DENND5B: variants seen among roughly 807,000 people sequenced by gnomAD.
DENND5B encodes the protein DENN domain containing 5B, also known as DENN domain-containing protein 5B.
In DENND5B, 34 loss-of-function variants were observed where a neutral mutation model predicts 140.6. The observed-to-expected ratio is 0.24, with a 90% CI of 0.18 to 0.32. The LOEUF (loss-of-function observed/expected upper bound fraction) is 0.32, where lower values mean the gene tolerates loss of function less well. DENND5B is among the 10% of genes least tolerant of loss of function. The pLI is 1.00. For synonymous variants in DENND5B, 551 were observed against 562.1 expected (o/e 0.98, Z 0.28); for missense variants, 1,142 against 1,560.2 (o/e 0.73, Z 4.52).
intron 1 of DENND5B, among the ~76,000 whole-genome samples, chr12:31,578,306 A>G (rs1450128848): frequency 6.6e-6 from 1 of 152,192 alleles, no homozygotes; most frequent in Non-Finnish European, 1.5e-5. Context: ...AACAATCCAG[A>G]TCAGCAAAAG....
chr12:31,409,474 C>CA, intron 13 of DENND5B, 90 bp from the exon 14 acceptor site: 1 of 285,108 alleles, frequency 3.5e-6, no homozygotes, highest in Non-Finnish European at 4.7e-6. Flanking sequence ...TTCATTATGT[C>CA]TTTTTTTTTT....
At chr12:31,552,071 G>C (rs1030575014) in intron 1 of DENND5B, among the ~76,000 whole-genome samples, 1 of 152,072 alleles carries the variant, frequency 6.6e-6, no homozygotes, top group Admixed American at 6.6e-5. Flanking sequence ...TCTCCTGCCT[G>C]ATTGCCCTGG....
At chr12:31,551,217 T>G (rs1592031595) in intron 1 of DENND5B, among the ~76,000 whole-genome samples, 2 of 152,208 alleles carry the variant, frequency 1.3e-5, no homozygotes, top group Non-Finnish European at 2.9e-5. Context: ...AAGTCTTTAA[T>G]CCATCTTGAA....
At chr12:31,389,245 G>T in intron 20 of DENND5B, 79 bp downstream of exon 20, 1 of 1,329,054 alleles carries the variant, frequency 7.5e-7, no homozygotes. Context: ...TCTGGAAGGG[G>T]TATGATCTGG....
chr12:31,414,245 G>T (rs983664515), intron 12 of DENND5B, among the ~76,000 whole-genome samples: 2 of 152,108 alleles, frequency 1.3e-5, no homozygotes, highest in African/African-American at 2.4e-5. Context: ...CCCATACATT[G>T]TAAGAGTTGA....
At chr12:31,472,675 C>T (rs77398509) in intron 3 of DENND5B, among the ~76,000 whole-genome samples, 1,722 of 152,124 alleles carry the variant, frequency 0.011, 18 homozygotes, top group East Asian at 0.03. Flanking sequence ...TTAAAGGGCT[C>T]AAACAAATCT....
At chr12:31,487,866 T>C (rs1031082512) in intron 2 of DENND5B, among the ~76,000 whole-genome samples, 10 of 152,298 alleles carry the variant, frequency 6.6e-5, no homozygotes, top group African/African-American at 2.4e-4. Flanking sequence ...AACAATTGGT[T>C]GAATGAATAA....
chr12:31,542,078 G>A (rs1948696249), intron 1 of DENND5B, among the ~76,000 whole-genome samples: 1 of 151,986 alleles, frequency 6.6e-6, no homozygotes, highest in African/African-American at 2.4e-5. Flanking sequence ...ACAAGGTCAG[G>A]AGTTCAAGAC....
intron 1 of DENND5B, among the ~76,000 whole-genome samples, chr12:31,544,963 T>C (rs1948808330): frequency 6.6e-6 from 1 of 151,478 alleles, no homozygotes; most frequent in Non-Finnish European, 1.5e-5. Context: ...TGGGACATTC[T>C]ACAGGGAAAA....
At chr12:31,516,582 TAGC>T (rs1309567758) in intron 1 of DENND5B, among the ~76,000 whole-genome samples, 2 of 152,166 alleles carry the variant, frequency 1.3e-5, no homozygotes, top group Non-Finnish European at 2.9e-5. Context: ...TCATTGATGA[TAGC>T]AGTCATTTTT....
At chr12:31,473,284 T>C (rs560832159) in intron 3 of DENND5B, among the ~76,000 whole-genome samples, 1 of 152,316 alleles carries the variant, frequency 6.6e-6, no homozygotes, top group Non-Finnish European at 1.5e-5. Flanking sequence ...TGATAATATA[T>C]TAAAGTGTTA....
chr12:31,585,079 C>T (rs1306900905), intron 1 of DENND5B, among the ~76,000 whole-genome samples: 1 of 152,052 alleles, frequency 6.6e-6, no homozygotes, highest in East Asian at 1.9e-4. Flanking sequence ...CACCCATTAC[C>T]TCTAGGAGGG....
In DENND5B at chr12:31,383,509, A is replaced by C. The variant is rs887897151; in HGVS notation, c.*4094T>G. On this transcript the variant is annotated 3_prime_UTR_variant, in exon 21 of 21. Transcript: ENST00000389082. ...ATTTTTTAAAAAGCCATGTGAAAGT[A>C]AATACCACAAGGTTACAAAAGGTAC... The C allele has an allele frequency of 6.6e-6, 1 of 152,228 alleles. No individual in the cohort carries two copies. The highest frequency in any genetic ancestry group is 6.5e-5 in the Admixed American group (1 of 15,280). The allele number at this position is 152,228 out of a possible 1,614,324, so 9.4% of individuals were successfully genotyped here. A position where few individuals can be genotyped will look rare whatever the true frequency, so the allele number is the denominator to read the frequency against.
At chr12:31,494,168 CTAT>C (rs1461507993) in intron 2 of DENND5B, among the ~76,000 whole-genome samples, 8 of 71,184 alleles carry the variant, frequency 1.1e-4, no homozygotes, top group East Asian at 5.9e-4. Context: ...ATCTATCTAT[CTAT>C]CTATCTATCT....
intron 3 of DENND5B, among the ~76,000 whole-genome samples, chr12:31,469,788 T>C (rs1945457874): frequency 6.6e-6 from 1 of 152,024 alleles, no homozygotes; most frequent in African/African-American, 2.4e-5. Flanking sequence ...TCCATGAAAA[T>C]TGGTTATTGA....
rs761664328 is a variant in DENND5B, at chr12:31,479,581, A to G, written c.904+8T>C. On this transcript the variant is annotated splice_region_variant and intron_variant, in intron 3 of 20. Coordinates refer to ENST00000389082, the MANE Select transcript of DENND5B (RefSeq NM_144973.4). ...TTTTGGAAAATGTAAAATCCAAGGA[A>G]AACCTACCTTGTGAGTAGAGAAGGA... 8.1e-6 allele frequency: 12 copies of G among 1,475,910 alleles called. No homozygotes were observed. The African/African-American group carries it at 1.7e-4, about 21-fold the overall frequency. 91.4% of individuals were successfully genotyped at this position (1,475,910 alleles called of 1,614,324 possible).
intron 2 of DENND5B, among the ~76,000 whole-genome samples, chr12:31,487,875 AAATG>A (rs1413197822): frequency 6.6e-6 from 1 of 152,226 alleles, no homozygotes; most frequent in Non-Finnish European, 1.5e-5. Flanking sequence ...TTGAATGAAT[AAATG>A]AATGAACAAG....
chr12:31,470,320 G>A (rs1202474725), intron 3 of DENND5B, among the ~76,000 whole-genome samples: 1 of 151,926 alleles, frequency 6.6e-6, no homozygotes, highest in Non-Finnish European at 1.5e-5. Context: ...CTCCATGTTG[G>A]TCAGGCTGGT....
At chr12:31,462,018 G>A (rs532120615) in intron 3 of DENND5B, among the ~76,000 whole-genome samples, 2 of 152,200 alleles carry the variant, frequency 1.3e-5, no homozygotes, top group South Asian at 4.2e-4. Flanking sequence ...GTTATCCACA[G>A]CCCAAGTTTA....
Sources: allele counts gnomAD v4.1 joint callset (sites outside exome capture counted in the v4.1 genomes callset), GRCh38; gene constraint gnomAD v4.1.1; transcripts MANE v1.5; gene names NCBI Gene and HGNC (gene_info 2026-07-23, HGNC 2026-07-21).